The following AEBP2 variants were observed in gnomAD, a reference collection of about 807,000 sequenced individuals.
AEBP2 encodes the protein AE binding protein 2, also known as zinc finger protein AEBP2.
In AEBP2, 10 loss-of-function variants were observed where a neutral mutation model predicts 50.8. That is an observed-to-expected ratio of 0.20 (90% CI 0.12 to 0.33). The LOEUF (loss-of-function observed/expected upper bound fraction) is 0.33, where lower values mean the gene tolerates loss of function less well. Among genes scored for constraint, AEBP2 ranks in the 10% least tolerant of loss-of-function variants. The pLI is 1.00. For missense variants in AEBP2, 570 were observed against 688.0 expected (o/e 0.83, Z 1.92); for synonymous variants, 296 against 261.3 (o/e 1.13, Z -1.28).
At chr12:19,430,681 G>T (rs12814280) in intron 1 of AEBP2, among the ~76,000 whole-genome samples, 2 of 151,986 alleles carry the variant, frequency 1.3e-5, no homozygotes, top group African/African-American at 2.4e-5. Context: ...TCTCCTTGAA[G>T]AGGTCCTTCA....
At chr12:19,496,345 T>C (rs1488031981) in intron 4 of AEBP2, among the ~76,000 whole-genome samples, 2 of 152,146 alleles carry the variant, frequency 1.3e-5, no homozygotes, top group East Asian at 3.9e-4. Flanking sequence ...AAATACCTTT[T>C]TGTCATCTGT....
intron 2 of AEBP2, 40 bp from the exon 3 acceptor site, chr12:19,473,208 T>C (rs375681057): frequency 1.3e-3 from 1,304 of 1,000,212 alleles, no homozygotes; most frequent in Admixed American, 2.6e-3. Flanking sequence ...CTTCTTGAGA[T>C]AAGTCATGAA....
chr12:19,471,484 G>C (rs1232060435), intron 2 of AEBP2, among the ~76,000 whole-genome samples: 1 of 151,882 alleles, frequency 6.6e-6, no homozygotes, highest in Non-Finnish European at 1.5e-5. Flanking sequence ...AAACAATATT[G>C]AATTAATTTC....
At chr12:19,480,782 G>A (rs1444653831) in intron 3 of AEBP2, among the ~76,000 whole-genome samples, 1 of 152,052 alleles carries the variant, frequency 6.6e-6, no homozygotes, top group African/African-American at 2.4e-5. Flanking sequence ...AATATTTTTG[G>A]GAGGAATTTC....
In AEBP2 at chr12:19,465,628, GCGATCTGCC is replaced by G. The variant is rs1211067403; in HGVS notation, c.879+2914_879+2922del. Among the ~76,000 whole-genome samples, 5 of 151,962 alleles carry G rather than the reference GCGATCTGCC, an allele frequency of 3.3e-5. No homozygotes were observed. The East Asian group carries it at 9.7e-4, about 29-fold the overall frequency. On this transcript the variant is annotated intron_variant, in intron 2 of 7. Coordinates refer to ENST00000266508, the MANE Select transcript of AEBP2 (RefSeq NM_153207.5). ...GCTGGTCTCCAACTCCTCGACTCAA[GCGATCTGCC>G]CGCCTTGGCCTCTGAAAATGCTGAG...
intron 1 of AEBP2, chr12:19,456,492 C>G (rs749418814): frequency 6.7e-7 from 1 of 1,496,666 alleles, no homozygotes; most frequent in South Asian, 1.1e-5. Flanking sequence ...ACCAACATGG[C>G]GATCCATCTT....
intron 5 of AEBP2, among the ~76,000 whole-genome samples, chr12:19,508,003 T>G (rs1949176265): frequency 6.6e-6 from 1 of 152,228 alleles, no homozygotes; most frequent in Admixed American, 6.5e-5. Context: ...AAATATTTTC[T>G]TTCGAGCCTT....
At chr12:19,508,644 T>C (rs150544169) in intron 5 of AEBP2, among the ~76,000 whole-genome samples, 373 of 152,306 alleles carry the variant, frequency 2.4e-3, no homozygotes, top group African/African-American at 8.4e-3. Context: ...TTGCTTTTCT[T>C]ATACTTTTTT....
intron 1 of AEBP2, chr12:19,456,407 G>C: frequency 7.3e-7 from 1 of 1,377,640 alleles, no homozygotes. Context: ...CAACACACAC[G>C]GGCTTGCCAG....
In AEBP2 at chr12:19,473,282, A is replaced by G; in HGVS notation, c.914A>G (p.Tyr305Cys). Reference sequence around the variant, plus strand: ...TGCTTATGGAAAGGTTGTAAAGTATATAACACTCCATCTACCAGTCAAAGT... The same window carrying G: ...TGCTTATGGAAAGGTTGTAAAGTATGTAACACTCCATCTACCAGTCAAAGT... ...FVCLWKGCKV[Y>C]NTPSTSQSWL... The change falls in exon 3 of 8, where the codon TAT becomes TGT. Residue 305 changes from tyrosine to cysteine, a missense_variant. Tyr to Cys is a radical substitution (Grantham distance 194). This residue lies in a region of AEBP2 where 184 missense variants were observed against 351.2 expected (regional missense o/e 0.52). Coordinates refer to ENST00000266508, the MANE Select transcript of AEBP2 (RefSeq NM_153207.5). 6.5e-7 allele frequency: 1 copy of G among 1,544,904 alleles called. No homozygotes were observed. The highest frequency in any genetic ancestry group is 8.7e-7 in the Non-Finnish European group (1 of 1,145,470).
In AEBP2 at chr12:19,456,621, G is replaced by C. The variant is rs1451815266; in HGVS notation, c.672-5889G>C. On this transcript the variant is annotated intron_variant, in intron 1 of 7. Coordinates refer to ENST00000266508, the MANE Select transcript of AEBP2 (RefSeq NM_153207.5). The stretch of plus-strand genomic sequence containing the variant: ...GATAATCACCTGAGCAGTGAAGCCA[G>C]CCGCTTCCATTGGTGGGTCATCTTT... 10 of 1,522,962 alleles carry C rather than the reference G, an allele frequency of 6.6e-6. No individual in the cohort carries two copies. In the South Asian group the frequency reaches 7.9e-5, roughly 12 times the overall value. The allele number at this position is 1,522,962 out of a possible 1,614,324, so 94.3% of individuals were successfully genotyped here. A position where few individuals can be genotyped will look rare whatever the true frequency, so the allele number is the denominator to read the frequency against.
Position 19,502,128 on chromosome 12 carries a change from A to G in AEBP2, c.1299+1907A>G, listed in dbSNP as rs145046841. 5.3e-3 allele frequency among the ~76,000 whole-genome samples: 800 copies of G among 151,798 alleles called. 6 individuals are homozygous for G. The highest frequency in any genetic ancestry group is 0.018 in the African/African-American group (764 of 41,450). ...TCCCAATTATATATGTTTTCCTGTT[A>G]TTTGTACCTACTTTTTTTTCTTTTG... On this transcript the variant is annotated intron_variant, in intron 5 of 7. Transcript: ENST00000266508.
chr12:19,493,756 C>T (rs749597245), intron 3 of AEBP2, 44 bp from the exon 4 acceptor site: 1 of 1,581,672 alleles, frequency 6.3e-7, no homozygotes, highest in Admixed American at 1.8e-5. Context: ...TTCTCGTGCC[C>T]TACACAGCAT....
intron 1 of AEBP2, among the ~76,000 whole-genome samples, chr12:19,417,499 C>T (rs772832200): frequency 5.3e-4 from 80 of 151,244 alleles, no homozygotes; most frequent in Middle Eastern, 3.5e-3. Flanking sequence ...CTCCGCCTCC[C>T]GGGCTCAACC....
chr12:19,518,059 A>G (rs1306530787), intron 7 of AEBP2, 28 bp from the exon 8 acceptor site: 1 of 1,583,330 alleles, frequency 6.3e-7, no homozygotes, highest in African/African-American at 1.4e-5. Context: ...TCAGTTGAAT[A>G]AAAGGATTTC....
chr12:19,429,847 G>A (rs1427651010), intron 1 of AEBP2, among the ~76,000 whole-genome samples: 1 of 149,832 alleles, frequency 6.7e-6, no homozygotes, highest in Non-Finnish European at 1.5e-5. Context: ...TTGTAAATTT[G>A]TTTGAGTTCA....
intron 4 of AEBP2, among the ~76,000 whole-genome samples, chr12:19,498,086 A>G (rs892466255): frequency 5.3e-5 from 8 of 152,196 alleles, no homozygotes; most frequent in Non-Finnish European, 1.0e-4. Context: ...TCCTTTCATT[A>G]TTGTGAATTT....
At chr12:19,405,339 T>G (rs1378989902) in intron 1 of AEBP2, among the ~76,000 whole-genome samples, 1 of 151,946 alleles carries the variant, frequency 6.6e-6, no homozygotes, top group Non-Finnish European at 1.5e-5. Context: ...ACTTATTTTT[T>G]TTTTTGAGAC....
chr12:19,509,125 C>T lies in AEBP2; in HGVS notation c.1300-3273C>T, dbSNP rs966135919. 3 of 523,880 alleles carry T rather than the reference C, an allele frequency of 5.7e-6. No individual in the cohort carries two copies. In the Admixed American group the frequency reaches 7.1e-5, roughly 12 times the overall value. The allele number at this position is 523,880 out of a possible 1,614,324, so 32.5% of individuals were successfully genotyped here. On this transcript the variant is annotated intron_variant, in intron 5 of 7. Transcript: ENST00000266508. Reference sequence around the variant, plus strand: ...AGATTGTCCAAAGCAAAGAACATGTCAGCAGGGCCTGTGGTGGTTCCATGT... The same window carrying T: ...AGATTGTCCAAAGCAAAGAACATGTTAGCAGGGCCTGTGGTGGTTCCATGT...
Sources: allele counts gnomAD v4.1 joint callset (sites outside exome capture counted in the v4.1 genomes callset), GRCh38; gene constraint gnomAD v4.1.1; regional missense constraint gnomAD v4.1.1; transcripts MANE v1.5; gene names NCBI Gene and HGNC (gene_info 2026-07-23, HGNC 2026-07-21).